The following EZH2 variants were observed in gnomAD, a reference collection of about 807,000 sequenced individuals.
The protein encoded by EZH2 is histone-lysine N-methyltransferase EZH2.
In EZH2, 18 loss-of-function variants were observed where a neutral mutation model predicts 98.4. The ratio of observed to expected loss-of-function variants is 0.18; its 90% CI spans 0.13 to 0.27. The LOEUF (loss-of-function observed/expected upper bound fraction) is 0.27, where lower values mean the gene tolerates loss of function less well. EZH2 is among the 10% of genes least tolerant of loss of function. The probability of loss-of-function intolerance (pLI) is 1.00; values close to 1 mark genes in which losing one functional copy is unlikely to be tolerated. For missense variants in EZH2, 470 were observed against 935.1 expected (o/e 0.50, Z 6.49); for synonymous variants, 338 against 312.3 (o/e 1.08, Z -0.87).
intron 8 of EZH2, among the ~76,000 whole-genome samples, chr7:148,824,321 AAAAAAAAAC>A (rs1418377097): frequency 6.6e-6 from 1 of 152,116 alleles, no homozygotes; most frequent in African/African-American, 2.4e-5. Context: ...TCTCAAAAAA[AAAAAAAAAC>A]AACAACAACA....
intron 17 of EZH2, 89 bp from the exon 18 acceptor site, chr7:148,809,479 C>T: frequency 9.9e-7 from 1 of 1,005,574 alleles, no homozygotes; most frequent in Admixed American, 2.1e-5. Flanking sequence ...CAACTGGTTA[C>T]AGTTCTTCAG....
intron 1 of EZH2, among the ~76,000 whole-genome samples, chr7:148,862,515 T>C (rs963018268): frequency 6.6e-6 from 1 of 152,170 alleles, no homozygotes; most frequent in Non-Finnish European, 1.5e-5. Flanking sequence ...GAAGTGACAG[T>C]CTCACTTCAT....
At chr7:148,867,275 G>A (rs113161209) in intron 1 of EZH2, among the ~76,000 whole-genome samples, 9,663 of 151,972 alleles carry the variant, frequency 0.064, 414 homozygotes, top group East Asian at 0.18. Flanking sequence ...GCAGTGGGCC[G>A]AGATCGCACC....
chr7:148,819,745 T>G, intron 8 of EZH2, 58 bp from the exon 9 acceptor site: 1 of 1,457,744 alleles, frequency 6.9e-7, no homozygotes, highest in Non-Finnish European at 9.5e-7. Flanking sequence ...ACTTTTTCAC[T>G]CTTCCAGTTC....
chr7:148,868,090 ATCTTCCTG>A (rs1818809417), intron 1 of EZH2, among the ~76,000 whole-genome samples: 1 of 152,164 alleles, frequency 6.6e-6, no homozygotes, highest in African/African-American at 2.4e-5. Flanking sequence ...ACATTCCCTT[ATCTTCCTG>A]TCTTGTTCTG....
intron 1 of EZH2, among the ~76,000 whole-genome samples, chr7:148,862,227 G>A (rs982867721): frequency 6.6e-6 from 1 of 152,098 alleles, no homozygotes; most frequent in African/African-American, 2.4e-5. Context: ...ACATTCATTA[G>A]TCTATTCACT....
intron 5 of EZH2, among the ~76,000 whole-genome samples, chr7:148,829,301 A>G (rs528691805): frequency 2.6e-5 from 4 of 152,166 alleles, no homozygotes; most frequent in Non-Finnish European, 5.9e-5. Flanking sequence ...AACTGAAACC[A>G]TGACTCTAAG....
intron 16 of EZH2, among the ~76,000 whole-genome samples, chr7:148,811,295 T>C (rs1031458879): frequency 6.6e-6 from 1 of 152,060 alleles, no homozygotes; most frequent in African/African-American, 2.4e-5. Context: ...GGACTACAAG[T>C]ATGCACCACC....
Position 148,854,157 on chromosome 7 carries a change from A to T in EZH2, c.-7-6852T>A, listed in dbSNP as rs186720974. On this transcript the variant is annotated intron_variant, in intron 1 of 19. Coordinates refer to ENST00000320356, the MANE Select transcript of EZH2 (RefSeq NM_004456.5). ...CAGAGCCCTTATTGCTTCTTTAAAA[A>T]TTCTACCGGGAGGCGCGGTGGCTCA... 4.7e-3 allele frequency among the ~76,000 whole-genome samples: 710 copies of T among 152,356 alleles called. 3 individuals carry two copies. Among genetic ancestry groups the T allele is most frequent in the Non-Finnish European group, 7.8e-3 (529 of 68,028 alleles).
At chr7:148,838,063 C>CT (rs35838307) in intron 3 of EZH2, among the ~76,000 whole-genome samples, 65,633 of 100,744 alleles carry the variant, frequency 0.65, 22,224 homozygotes, top group Admixed American at 0.72. Flanking sequence ...GTTTAGACTC[C>CT]TTTTTTTTTT....
intron 3 of EZH2, among the ~76,000 whole-genome samples, chr7:148,845,568 T>C (rs560634532): frequency 1.3e-5 from 2 of 152,344 alleles, no homozygotes; most frequent in South Asian, 4.1e-4. Flanking sequence ...AGCTCATATG[T>C]CACACAATCT....
At chr7:148,869,574 G>A (rs1819030373) in intron 1 of EZH2, among the ~76,000 whole-genome samples, 2 of 152,098 alleles carry the variant, frequency 1.3e-5, no homozygotes, top group South Asian at 4.1e-4. Flanking sequence ...CTGGGCTCAA[G>A]CAATCCTCCC....
intron 4 of EZH2, among the ~76,000 whole-genome samples, chr7:148,830,677 G>A (rs1809122143): frequency 6.6e-6 from 1 of 152,192 alleles, no homozygotes; most frequent in Admixed American, 6.5e-5. Flanking sequence ...GACAGTGCTA[G>A]TAAAGATGAT....
intron 1 of EZH2, among the ~76,000 whole-genome samples, chr7:148,856,170 T>G (rs1816807211): frequency 6.6e-6 from 1 of 152,112 alleles, no homozygotes; most frequent in African/African-American, 2.4e-5. Context: ...TCTACAGAAC[T>G]TTGGACAATC....
chr7:148,819,958 C>T (rs537687722), intron 8 of EZH2, among the ~76,000 whole-genome samples: 6 of 152,172 alleles, frequency 3.9e-5, no homozygotes, highest in African/African-American at 7.2e-5. Context: ...AAAACTGATG[C>T]GCATAACTAT....
intron 8 of EZH2, among the ~76,000 whole-genome samples, chr7:148,824,424 T>C (rs766233423): frequency 1.3e-5 from 2 of 152,164 alleles, no homozygotes; most frequent in Non-Finnish European, 2.9e-5. Context: ...AAGATAATAT[T>C]GTATTTTTAC....
rs539214442 is a variant in EZH2, at chr7:148,808,579, G to A, written c.2195+492C>T. 6.6e-5 allele frequency among the ~76,000 whole-genome samples: 10 copies of A among 152,284 alleles called. No individual in the cohort carries two copies. The East Asian group carries it at 1.7e-3, about 26-fold the overall frequency. ...CCACGTGTCCCAGGCATCCCCACAG[G>A]GTGATCAGACAGCGATTTGCCAACA... On this transcript the variant is annotated intron_variant, in intron 19 of 19. Coordinates refer to ENST00000320356, the MANE Select transcript of EZH2 (RefSeq NM_004456.5).
At chr7:148,850,064 G>A (rs2129486132) in intron 1 of EZH2, among the ~76,000 whole-genome samples, 1 of 152,176 alleles carries the variant, frequency 6.6e-6, no homozygotes, top group East Asian at 1.9e-4. Context: ...TGTCCCCCAA[G>A]CTGGAGTGCG....
chr7:148,873,701 T>C (rs980342528), intron 1 of EZH2, among the ~76,000 whole-genome samples: 1 of 151,848 alleles, frequency 6.6e-6, no homozygotes, highest in African/African-American at 2.4e-5. Flanking sequence ...AGGATGGTAC[T>C]TAAATAATTA....
Sources: allele counts gnomAD v4.1 joint callset (sites outside exome capture counted in the v4.1 genomes callset), GRCh38; gene constraint gnomAD v4.1.1; transcripts MANE v1.5; gene names NCBI Gene and HGNC (gene_info 2026-07-23, HGNC 2026-07-21).